The following BORCS8 variants were observed in gnomAD, a reference collection of about 807,000 sequenced individuals.
The protein encoded by BORCS8 is BLOC-1-related complex subunit 8.
A neutral mutation model predicts 18.7 loss-of-function variants in BORCS8; 13 were observed. That is an observed-to-expected ratio of 0.70 (90% CI 0.45 to 1.11). BORCS8 has a LOEUF of 1.11. BORCS8 is among the 50% of genes least tolerant of loss of function. BORCS8 has a pLI of 0.00. For synonymous variants in BORCS8, 68 were observed against 64.8 expected (o/e 1.05, Z -0.24); for missense variants, 165 against 165.7 (o/e 1.00, Z 0.02).
At chr19:19,189,148 C>T (rs2060441321) in intron 1 of BORCS8, among the ~76,000 whole-genome samples, 1 of 152,070 alleles carries the variant, frequency 6.6e-6, no homozygotes, top group Non-Finnish European at 1.5e-5. Context: ...AAATTAATTG[C>T]ACGCAAATCC....
intron 2 of BORCS8, among the ~76,000 whole-genome samples, chr19:19,186,381 T>C (rs1018261707): frequency 6.6e-6 from 1 of 152,188 alleles, no homozygotes; most frequent in African/African-American, 2.4e-5. Flanking sequence ...CAGAATAGTA[T>C]AGTTTGACTG....
chr19:19,183,165 C>G (rs1160023811), intron 3 of BORCS8, among the ~76,000 whole-genome samples: 1 of 152,054 alleles, frequency 6.6e-6, no homozygotes, highest in Non-Finnish European at 1.5e-5. Context: ...TCCCAGCACT[C>G]TGGGAGGCTG....
In BORCS8 at chr19:19,182,708, C is replaced by T; in HGVS notation, c.216-25G>A. ...GCTGAAACGGGAGGACAGGCCTGGT[C>T]AGCGCTCCGGACCTGCAGGTAACTG... is the stretch of plus-strand genomic sequence containing the variant. On this transcript the variant is annotated intron_variant, in intron 3 of 5. Coordinates refer to ENST00000462790, the MANE Select transcript of BORCS8 (RefSeq NM_001145784.2). The surrounding 1 kb of genome is among the most constrained non-coding windows in gnomAD (Gnocchi z 4.1). 1 of 1,543,670 alleles carries T rather than the reference C, an allele frequency of 6.5e-7. No individual in the cohort carries two copies. The highest frequency in any genetic ancestry group is 1.4e-5 in the African/African-American group (1 of 73,056).
In BORCS8 at chr19:19,182,384, G is replaced by T. The variant is rs946898733; in HGVS notation, c.326+189C>A. 7.2e-7 allele frequency: 1 copy of T among 1,385,242 alleles called. No individual in the cohort carries two copies. The highest frequency in any genetic ancestry group is 9.4e-7 in the Non-Finnish European group (1 of 1,065,070). The allele number at this position is 1,385,242 out of a possible 1,614,324, so 85.8% of individuals were successfully genotyped here. ...CCCAGGGCCAGGCACACAGCAGAGCGCAGGACCTCGGTATTAAGTGACTGA... is the reference window on the plus strand; with the variant it reads ...CCCAGGGCCAGGCACACAGCAGAGCTCAGGACCTCGGTATTAAGTGACTGA... On this transcript the variant is annotated intron_variant, in intron 4 of 5. Transcript: ENST00000462790. This position sits in a 1 kb window ranked among gnomAD's most constrained non-coding sequence, Gnocchi z 4.1.
At position 19,186,956 on chromosome 19, in the gene BORCS8, G is replaced by A. The variant is rs1360589640; in HGVS notation, c.87C>T (p.Ser29=). 7.1e-6 allele frequency: 11 copies of A among 1,551,354 alleles called. No homozygotes were observed. Among genetic ancestry groups the A allele is most frequent in the South Asian group, 3.6e-5 (3 of 84,050 alleles). Residue 29 remains serine, a synonymous_variant, in exon 2 of 6, where the codon TCC becomes TCT. Coordinates refer to ENST00000462790, the MANE Select transcript of BORCS8 (RefSeq NM_001145784.2). ...ESVYVLANEP[S]VALYRLQEHV... is the part of the protein sequence containing the mutation. Reference sequence around the variant, plus strand: ...GCTCCTGCAGCCGGTACAGGGCCACGGATGGCTCGTTGGCCAGGACGTAGA... The same window carrying A: ...GCTCCTGCAGCCGGTACAGGGCCACAGATGGCTCGTTGGCCAGGACGTAGA...
At chr19:19,187,607 C>T (rs186379238) in intron 1 of BORCS8, among the ~76,000 whole-genome samples, 2 of 150,000 alleles carry the variant, frequency 1.3e-5, no homozygotes, top group Admixed American at 6.6e-5. Flanking sequence ...GGTGCAATCT[C>T]GGCTCACCAC....
At chr19:19,188,205 AT>A (rs768052346) in intron 1 of BORCS8, among the ~76,000 whole-genome samples, 8 of 151,192 alleles carry the variant, frequency 5.3e-5, no homozygotes, top group East Asian at 2.0e-4. Flanking sequence ...AACTTTTTGT[AT>A]TTTTTAGTAG....
In BORCS8 at chr19:19,186,898, G is replaced by A. The variant is rs1341606512; in HGVS notation, c.145C>T (p.His49Tyr). Residue 49 changes from histidine to tyrosine, a missense_variant, in exon 2 of 6, where the codon CAC (histidine) becomes TAC (tyrosine). Coordinates refer to ENST00000462790, the MANE Select transcript of BORCS8 (RefSeq NM_001145784.2). Reference sequence around the variant, plus strand: ...CCCAGCAGGCCCCAGCTCACCTTGTGCTGGGCCAGCTCGGGGAGGGAGCGA... The same window carrying A: ...CCCAGCAGGCCCCAGCTCACCTTGTACTGGGCCAGCTCGGGGAGGGAGCGA... ...VRRSLPELAQ[H>Y]KADMQRWEEQ... 6.5e-7 allele frequency: 1 copy of A among 1,547,124 alleles called. No homozygotes were observed. The highest frequency in any genetic ancestry group is 1.2e-5 in the South Asian group (1 of 83,758).
chr19:19,183,706 T>G (rs1430829933), intron 3 of BORCS8, among the ~76,000 whole-genome samples: 2 of 151,298 alleles, frequency 1.3e-5, no homozygotes, highest in African/African-American at 4.9e-5. Flanking sequence ...TGCCTCAGCC[T>G]CCCAAGTAGC....
At chr19:19,183,945 C>T (rs2060378869) in intron 3 of BORCS8, among the ~76,000 whole-genome samples, 1 of 139,984 alleles carries the variant, frequency 7.1e-6, no homozygotes, top group East Asian at 2.2e-4. Context: ...AGACTGAGCA[C>T]AATCTCAGCT....
chr19:19,178,372 G>C (rs1266215458), intron 5 of BORCS8: 1 of 152,646 alleles, frequency 6.6e-6, no homozygotes, highest in African/African-American at 2.4e-5. Context: ...GGGAGCAGGG[G>C]CAAGGGCCAG....
chr19:19,186,153 C>G (rs1267369893), intron 2 of BORCS8, 55 bp from the exon 3 acceptor site: 1 of 1,510,074 alleles, frequency 6.6e-7, no homozygotes, highest in East Asian at 2.5e-5. Context: ...CCTAGAGGGC[C>G]TTCCTCCCAG....
chr19:19,187,054 A>G, intron 1 of BORCS8, 49 bp from the exon 2 acceptor site: 2 of 1,415,100 alleles, frequency 1.4e-6, no homozygotes, highest in Non-Finnish European at 1.9e-6. Flanking sequence ...ACAAAGCGTC[A>G]GCCTCCTCAT....
At position 19,182,340 on chromosome 19, in the gene BORCS8, C is replaced by G; in HGVS notation, c.326+233G>C. ...GTGAGCCTGTCTGTCTCGGTCACTG[C>G]TATGTCCCCAGTGCCCAGCCCAGGG... is the stretch of plus-strand genomic sequence containing the variant. On this transcript the variant is annotated intron_variant, in intron 4 of 5. Transcript: ENST00000462790. The surrounding 1 kb of genome is among the most constrained non-coding windows in gnomAD (Gnocchi z 4.1). 9 of 1,133,150 alleles carry G rather than the reference C, an allele frequency of 7.9e-6. No homozygotes were observed. The highest frequency in any genetic ancestry group is 1.0e-5 in the Non-Finnish European group (9 of 859,982). The allele number at this position is 1,133,150 out of a possible 1,614,324, so 70.2% of individuals were successfully genotyped here. A position where few individuals can be genotyped will look rare whatever the true frequency, so the allele number is the denominator to read the frequency against.
chr19:19,177,300 A>C lies in BORCS8; in HGVS notation c.*203T>G, dbSNP rs1421058146. The stretch of plus-strand genomic sequence containing the variant: ...CGAATGTCCAACTCAGCCTGTAGAG[A>C]AGGTGCAGTCCAGCCTTCCTTATCC... On this transcript the variant is annotated 3_prime_UTR_variant, in exon 6 of 6. Transcript: ENST00000462790. 1 of 151,250 alleles carries C rather than the reference A, an allele frequency of 6.6e-6. No homozygotes were observed. The highest frequency in any genetic ancestry group is 2.5e-5 in the African/African-American group (1 of 40,564). 9.4% of individuals were successfully genotyped at this position (151,250 alleles called of 1,614,324 possible). A position where few individuals can be genotyped will look rare whatever the true frequency, so the allele number is the denominator to read the frequency against.
intron 1 of BORCS8, among the ~76,000 whole-genome samples, chr19:19,191,232 G>C (rs976581498): frequency 6.6e-6 from 1 of 151,824 alleles, no homozygotes; most frequent in South Asian, 2.1e-4. Flanking sequence ...GTGTGTGCCT[G>C]TAATCCTAGC....
In BORCS8 at chr19:19,182,626, G is replaced by C. The variant is rs1414672534; in HGVS notation, c.273C>G (p.Leu91=). Residue 91 remains leucine, a synonymous_variant, in exon 4 of 6, where the codon CTC becomes CTG. Transcript: ENST00000462790. The surrounding 1 kb of genome is among the most constrained non-coding windows in gnomAD (Gnocchi z 4.1). ...SVYFRSVEGL[L]KQAISIRDHM... ...GGTCCCGGATGCTGATGGCCTGTTT[G>C]AGCAGACCCTCCACGCTGCGGAAGT... 3 of 1,551,220 alleles carry C rather than the reference G, an allele frequency of 1.9e-6. No individual in the cohort carries two copies. Among genetic ancestry groups the C allele is most frequent in the Non-Finnish European group, 2.6e-6 (3 of 1,146,948 alleles).
In BORCS8 at chr19:19,182,341, T is replaced by G; in HGVS notation, c.326+232A>C. The G allele has an allele frequency of 8.8e-7, 1 of 1,139,078 alleles. No homozygotes were observed. Among genetic ancestry groups the G allele is most frequent in the East Asian group, 3.1e-5 (1 of 32,198 alleles). 70.6% of individuals were successfully genotyped at this position (1,139,078 alleles called of 1,614,324 possible). On this transcript the variant is annotated intron_variant, in intron 4 of 5. Transcript: ENST00000462790. This position sits in a 1 kb window ranked among gnomAD's most constrained non-coding sequence, Gnocchi z 4.1. Reference sequence around the variant, plus strand: ...TGAGCCTGTCTGTCTCGGTCACTGCTATGTCCCCAGTGCCCAGCCCAGGGC... The same window carrying G: ...TGAGCCTGTCTGTCTCGGTCACTGCGATGTCCCCAGTGCCCAGCCCAGGGC...
Position 19,182,552 on chromosome 19 carries a change from G to A in BORCS8, c.326+21C>T, listed in dbSNP as rs1381868713. ...CTTGCAGCTGGGAGTGGCAGTGGGG[G>A]CGGGCGGTCCCAGGAGCTACCTGTG... On this transcript the variant is annotated intron_variant, in intron 4 of 5. Coordinates refer to ENST00000462790, the MANE Select transcript of BORCS8 (RefSeq NM_001145784.2). This position sits in a 1 kb window ranked among gnomAD's most constrained non-coding sequence, Gnocchi z 4.1. 6.5e-6 allele frequency: 10 copies of A among 1,546,910 alleles called. No homozygotes were observed. In the East Asian group the frequency reaches 1.7e-4, roughly 26 times the overall value.
Sources: allele counts gnomAD v4.1 joint callset (sites outside exome capture counted in the v4.1 genomes callset), GRCh38; gene constraint gnomAD v4.1.1; non-coding constraint Gnocchi (gnomAD v3.1); transcripts MANE v1.5; gene names NCBI Gene and HGNC (gene_info 2026-07-23, HGNC 2026-07-21).